GABRB2: variants seen among roughly 807,000 people sequenced by gnomAD.
GABRB2 encodes the protein gamma-aminobutyric acid receptor subunit beta-2.
GABRB2 carries 16 observed loss-of-function variants against 54.7 expected under a neutral mutation model. That is an observed-to-expected ratio of 0.29 (90% CI 0.20 to 0.44). The LOEUF is 0.44. GABRB2 is among the 20% of genes least tolerant of loss of function. The probability of loss-of-function intolerance (pLI) is 1.00; values close to 1 mark genes in which losing one functional copy is unlikely to be tolerated. For synonymous variants in GABRB2, 244 were observed against 233.8 expected, an observed-to-expected ratio of 1.04 and a Z score of -0.40; for missense variants, 355 against 644.0, an observed-to-expected ratio of 0.55 and a Z score of 4.86.
rs1275548680 is a variant in GABRB2, at chr5:161,292,991, T to C, written c.*1090A>G. 1 of 152,158 alleles carries C rather than the reference T, an allele frequency of 6.6e-6. No individual in the cohort carries two copies. The highest frequency in any genetic ancestry group is 2.4e-5 in the African/African-American group (1 of 41,448). 9.4% of individuals were successfully genotyped at this position (152,158 alleles called of 1,614,324 possible). A position where few individuals can be genotyped will look rare whatever the true frequency, so the allele number is the denominator to read the frequency against. ...TCTATTAAATTAAGAAATAAAATTA[T>C]AGGGACAAAAATTGCAGGGACAGCT... On this transcript the variant is annotated 3_prime_UTR_variant, in exon 10 of 10. Coordinates refer to ENST00000393959, the MANE Select transcript of GABRB2 (RefSeq NM_001371727.1).
In GABRB2 at chr5:161,289,330, G is replaced by T. The variant is rs1202028367; in HGVS notation, c.*4751C>A. 3 of 135,876 alleles carry T rather than the reference G, an allele frequency of 2.2e-5. No homozygotes were observed. The highest frequency in any genetic ancestry group is 8.4e-5 in the African/African-American group (3 of 35,842). The allele number at this position is 135,876 out of a possible 1,614,324, so 8.4% of individuals were successfully genotyped here. On this transcript the variant is annotated 3_prime_UTR_variant, in exon 10 of 10. Transcript: ENST00000393959. ...TTTTTACAATGTTCCTAGTGCATTT[G>T]GAAAATATTTTTTTAAACCTTTGGT...
intron 3 of GABRB2, among the ~76,000 whole-genome samples, chr5:161,477,495 G>C (rs1258365996): frequency 1.3e-5 from 2 of 151,866 alleles, no homozygotes; most frequent in Admixed American, 6.6e-5. Context: ...ATCTCAAAGA[G>C]ATAGTTGCAT....
intron 4 of GABRB2, among the ~76,000 whole-genome samples, chr5:161,446,682 A>G (rs1397700540): frequency 6.6e-6 from 1 of 152,136 alleles, no homozygotes; most frequent in Non-Finnish European, 1.5e-5. Context: ...TTTATTATTT[A>G]CTTTTGACAA....
chr5:161,546,813 A>G, upstream of GABRB2: 1 of 1,420,778 alleles, frequency 7.0e-7, no homozygotes, highest in South Asian at 1.6e-5. Context: ...AAAAAAAAAA[A>G]AAAAAATTAA....
At chr5:161,501,109 T>C (rs892759903) in intron 3 of GABRB2, among the ~76,000 whole-genome samples, 7 of 152,194 alleles carry the variant, frequency 4.6e-5, no homozygotes, top group African/African-American at 1.7e-4. Context: ...AGCACTAGTG[T>C]AACATCTGAA....
At chr5:161,422,759 G>A (rs1756884998) in intron 4 of GABRB2, among the ~76,000 whole-genome samples, 1 of 152,090 alleles carries the variant, frequency 6.6e-6, no homozygotes, top group Non-Finnish European at 1.5e-5. Flanking sequence ...CATGAGATAT[G>A]GAATATGCAT....
chr5:161,418,393 G>C (rs987969410), intron 4 of GABRB2, among the ~76,000 whole-genome samples: 2 of 152,078 alleles, frequency 1.3e-5, no homozygotes, highest in African/African-American at 4.8e-5. Context: ...TTATGTCTTA[G>C]AGGAAGTCTG....
intron 4 of GABRB2, among the ~76,000 whole-genome samples, chr5:161,416,689 T>A (rs1244141644): frequency 4.5e-5 from 1 of 22,214 alleles, no homozygotes; most frequent in African/African-American, 9.8e-5. Flanking sequence ...AGAGCCAGAC[T>A]CCGTCTCAAA....
chr5:161,387,561 G>C (rs1171143605), intron 5 of GABRB2, among the ~76,000 whole-genome samples: 1 of 152,120 alleles, frequency 6.6e-6, no homozygotes, highest in Non-Finnish European at 1.5e-5. Context: ...CAAATGTAAA[G>C]AGTGTCAGGT....
At chr5:161,467,137 A>G (rs762440441) in intron 3 of GABRB2, among the ~76,000 whole-genome samples, 5 of 152,104 alleles carry the variant, frequency 3.3e-5, no homozygotes, top group Admixed American at 6.6e-5. Context: ...GAAAATTACC[A>G]TTACTGAACT....
intron 4 of GABRB2, among the ~76,000 whole-genome samples, chr5:161,430,079 C>G (rs759087112): frequency 3.3e-4 from 50 of 151,652 alleles, no homozygotes; most frequent in Non-Finnish European, 6.0e-4. Flanking sequence ...GTTAAGCAGC[C>G]CTTGATAAAA....
rs1759194123 is a variant in GABRB2 at position 161,495,111 on chromosome 5, T to C, written c.238-35267A>G. Among the ~76,000 whole-genome samples the C allele has an allele frequency of 3.9e-5, 6 of 152,046 alleles. No individual in the cohort carries two copies. The South Asian group carries it at 1.0e-3, about 26-fold the overall frequency. ...TAGTCACAAATTAACATCCAGCTAT[T>C]CCCAAAGTTATAATCTTCATATTTT... On this transcript the variant is annotated intron_variant, in intron 3 of 9. Transcript: ENST00000393959.
At chr5:161,356,671 A>C (rs2113444216) in intron 5 of GABRB2, among the ~76,000 whole-genome samples, 1 of 152,300 alleles carries the variant, frequency 6.6e-6, no homozygotes, top group South Asian at 2.1e-4. Context: ...AAGTGGAAGA[A>C]GTCAATACAC....
intron 4 of GABRB2, among the ~76,000 whole-genome samples, chr5:161,417,927 C>G (rs1456374139): frequency 2.0e-5 from 3 of 152,188 alleles, no homozygotes; most frequent in Non-Finnish European, 2.9e-5. Context: ...CTACTACGCT[C>G]AACTTTGTAA....
At chr5:161,467,871 G>A (rs1434089357) in intron 3 of GABRB2, among the ~76,000 whole-genome samples, 1 of 151,998 alleles carries the variant, frequency 6.6e-6, no homozygotes, top group Non-Finnish European at 1.5e-5. Flanking sequence ...TCCAGTAAAT[G>A]GTAGAAACTA....
At chr5:161,379,499 A>G (rs1755404763) in intron 5 of GABRB2, among the ~76,000 whole-genome samples, 1 of 152,208 alleles carries the variant, frequency 6.6e-6, no homozygotes, top group South Asian at 2.1e-4. Flanking sequence ...CACAGCAATC[A>G]CAGAACAAGA....
intron 9 of GABRB2, among the ~76,000 whole-genome samples, chr5:161,315,534 C>G (rs2113371562): frequency 6.6e-6 from 1 of 151,796 alleles, no homozygotes; most frequent in Admixed American, 6.6e-5. Context: ...ATATCAGGAC[C>G]CATTATTATT....
chr5:161,515,198 T>A (rs749143373), intron 3 of GABRB2, among the ~76,000 whole-genome samples: 1 of 152,092 alleles, frequency 6.6e-6, no homozygotes, highest in African/African-American at 2.4e-5. Flanking sequence ...TTCTTATCAT[T>A]CCCACATTAA....
At chr5:161,482,838 C>A (rs1397218105) in intron 3 of GABRB2, among the ~76,000 whole-genome samples, 3 of 151,994 alleles carry the variant, frequency 2.0e-5, no homozygotes, top group Non-Finnish European at 4.4e-5. Flanking sequence ...AACTAGGCAG[C>A]AACTGTTCTA....
Sources: allele counts gnomAD v4.1 joint callset (sites outside exome capture counted in the v4.1 genomes callset), GRCh38; gene constraint gnomAD v4.1.1; transcripts MANE v1.5; gene names NCBI Gene and HGNC (gene_info 2026-07-23, HGNC 2026-07-21).